SYT12: variants seen among roughly 807,000 people sequenced by gnomAD.
SYT12 encodes the protein synaptotagmin 12.
In SYT12, 27 loss-of-function variants were observed where a neutral mutation model predicts 39.5. The observed-to-expected ratio is 0.68, with a 90% CI of 0.50 to 0.94. The LOEUF (loss-of-function observed/expected upper bound fraction) is 0.94. SYT12 is among the 40% of genes least tolerant of loss of function. SYT12 has a pLI of 0.00. For missense variants in SYT12, 536 were observed against 572.6 expected (o/e 0.94, Z 0.65); for synonymous variants, 233 against 239.7 (o/e 0.97, Z 0.26).
intron 2 of SYT12, 47 bp downstream of exon 2, chr11:67,030,225 T>G (rs1453413835): frequency 6.2e-7 from 1 of 1,606,040 alleles, no homozygotes; most frequent in South Asian, 1.1e-5. Flanking sequence ...TGCGAGACCC[T>G]TACACCAGGC....
At chr11:67,009,053 C>T (rs1949992548) in intron 1 of SYT12, among the ~76,000 whole-genome samples, 1 of 152,204 alleles carries the variant, frequency 6.6e-6, no homozygotes, top group South Asian at 2.1e-4. Context: ...CTCTGTCGCC[C>T]AGGCTAGAGT....
In SYT12 at chr11:67,039,872, G is replaced by A. The variant is rs374167413; in HGVS notation, c.290G>A (p.Ser97Asn). The A allele has an allele frequency of 6.2e-7, 1 of 1,613,564 alleles. No individual in the cohort carries two copies. The highest frequency in any genetic ancestry group is 8.5e-7 in the Non-Finnish European group (1 of 1,180,034). ...CGGGGACCACCCAGCCGCAAAGGCA[G>A]TCTCAGCATTGAGGACACCTTTGAG... ...STRGPPSRKG[S>N]LSIEDTFESI... is the part of the protein sequence containing the mutation. The change falls in exon 4 of 8, where the codon AGT (serine) becomes AAT (asparagine). Residue 97 changes from serine (S) to asparagine (N), a missense_variant. Coordinates refer to ENST00000527043, the MANE Select transcript of SYT12 (RefSeq NM_177963.4).
chr11:67,014,063 T>G (rs1021666246), intron 3 of SYT12, among the ~76,000 whole-genome samples: 2 of 152,222 alleles, frequency 1.3e-5, no homozygotes, highest in African/African-American at 4.8e-5. Context: ...TGTCCCTGTT[T>G]TCTTTCTTAT....
intron 3 of SYT12, among the ~76,000 whole-genome samples, chr11:67,017,427 T>A (rs951746744): frequency 6.6e-6 from 1 of 151,356 alleles, no homozygotes; most frequent in Non-Finnish European, 1.5e-5. Context: ...TAGTGCGAAC[T>A]AGGCTCACTG....
At chr11:67,015,887 C>T (rs1950054493) in intron 3 of SYT12, among the ~76,000 whole-genome samples, 1 of 152,130 alleles carries the variant, frequency 6.6e-6, no homozygotes, top group African/African-American at 2.4e-5. Context: ...TCTCAGGAGG[C>T]TGGGAGCAGG....
At chr11:67,025,433 G>A (rs1950167941) in intron 1 of SYT12, among the ~76,000 whole-genome samples, 1 of 152,148 alleles carries the variant, frequency 6.6e-6, no homozygotes, top group Non-Finnish European at 1.5e-5. Flanking sequence ...GTAGGGATGT[G>A]CAGTCTGGGA....
chr11:67,041,403 G>A (rs987981626), intron 4 of SYT12, among the ~76,000 whole-genome samples: 3 of 149,406 alleles, frequency 2.0e-5, no homozygotes, highest in African/African-American at 7.4e-5. Flanking sequence ...CTCAGGAGGC[G>A]GAGGTTGCAA....
intron 3 of SYT12, among the ~76,000 whole-genome samples, chr11:67,016,317 G>A (rs1410975316): frequency 6.6e-6 from 1 of 152,042 alleles, no homozygotes; most frequent in African/African-American, 2.4e-5. Flanking sequence ...AAGATGTTGC[G>A]GGAGGGAAGT....
At chr11:67,022,776 T>A (rs1950126186), upstream of SYT12, 1 of 152,148 alleles carries the variant, frequency 6.6e-6, no homozygotes, top group Admixed American at 6.6e-5. Flanking sequence ...TGAGATGATG[T>A]TGTAAGGCAC....
chr11:67,043,807 C>CTTCAGT lies in SYT12; in HGVS notation c.791_792insTTCAGT (p.Pro264_Leu265insSerVal). The CTTCAGT allele has an allele frequency of 6.2e-7, 1 of 1,614,134 alleles. No homozygotes were observed. The highest frequency in any genetic ancestry group is 1.1e-5 in the South Asian group (1 of 91,080). ...CTGAAGCTTTCTGTGCTTGACCTCC[C>CTTCAGT]GCTGCAGCCCTTCAGTGGCTGGCTC... On this transcript the variant is annotated inframe_insertion, in exon 5 of 8. Coordinates refer to ENST00000527043, the MANE Select transcript of SYT12 (RefSeq NM_177963.4).
chr11:67,027,811 C>T (rs1348308170), intron 1 of SYT12: 1 of 152,266 alleles, frequency 6.6e-6, no homozygotes, highest in Non-Finnish European at 1.5e-5. Context: ...CTTGGCCCCA[C>T]TCTTGCAAAG....
chr11:67,042,811 A>G (rs1019269228), intron 4 of SYT12, among the ~76,000 whole-genome samples: 1 of 152,046 alleles, frequency 6.6e-6, no homozygotes, highest in Non-Finnish European at 1.5e-5. Context: ...AGGGAACGTG[A>G]GCACTGTGCG....
chr11:67,050,164 A>G lies in SYT12; in HGVS notation c.*1407A>G, dbSNP rs1421359460. 3 of 151,678 alleles carry G rather than the reference A, an allele frequency of 2.0e-5. No homozygotes were observed. The highest frequency in any genetic ancestry group is 7.3e-5 in the African/African-American group (3 of 41,156). The allele number at this position is 151,678 out of a possible 1,614,324, so 9.4% of individuals were successfully genotyped here. A position where few individuals can be genotyped will look rare whatever the true frequency, so the allele number is the denominator to read the frequency against. On this transcript the variant is annotated 3_prime_UTR_variant, in exon 8 of 8. Coordinates refer to ENST00000527043, the MANE Select transcript of SYT12 (RefSeq NM_177963.4). ...AGAGGGGCTGGGCTGTTGCACCTCT[A>G]CTGGCATCAGTCTTTGGTTACCCCC...
intron 3 of SYT12, among the ~76,000 whole-genome samples, chr11:67,011,216 A>G (rs1369499076): frequency 2.6e-5 from 4 of 152,002 alleles, no homozygotes; most frequent in Non-Finnish European, 4.4e-5. Context: ...TGAAATAATA[A>G]AGTGTATGTA....
chr11:67,007,315 C>T (rs1035907078), exon 1 of SYT12: 6 of 152,262 alleles, frequency 3.9e-5, no homozygotes, highest in Non-Finnish European at 5.9e-5. Context: ...GCGTCGGGCT[C>T]GTGGGCGAAG....
upstream of SYT12, among the ~76,000 whole-genome samples, chr11:67,022,541 C>G: frequency 6.6e-6 from 1 of 152,278 alleles, no homozygotes; most frequent in East Asian, 1.9e-4. Context: ...GCACTGTGCC[C>G]AGCCCCTGCG....
Position 67,007,270 on chromosome 11 carries a change from A to G in SYT12, c.-670A>G, listed in dbSNP as rs117179094. The G allele has an allele frequency of 2.4e-4, 37 of 152,360 alleles. 2 individuals carry two copies. The East Asian group carries it at 7.0e-3, about 29-fold the overall frequency. 9.4% of individuals were successfully genotyped at this position (152,360 alleles called of 1,614,324 possible). On this transcript the variant is annotated 5_prime_UTR_variant, in exon 1 of 11. Transcript: ENST00000393946. ...GGAAGCCCAGAAGACACTCATCCCT[A>G]AGGGGAGCCTGAGACTGAGGAACTC...
At chr11:67,039,547 G>A (rs1950457310) in intron 3 of SYT12, among the ~76,000 whole-genome samples, 1 of 152,194 alleles carries the variant, frequency 6.6e-6, no homozygotes, top group African/African-American at 2.4e-5. Context: ...CCTGGATGCA[G>A]AGGTTGCAGT....
In SYT12 at chr11:67,045,855, C is replaced by T. The variant is rs748388854; in HGVS notation, c.1070C>T (p.Ser357Leu). The T allele has an allele frequency of 3.6e-5, 58 of 1,613,590 alleles. No individual in the cohort carries two copies. The highest frequency in any genetic ancestry group is 1.7e-4 in the Middle Eastern group (1 of 6,058). Residue 357 changes from serine (S) to leucine (L), a missense_variant, in exon 7 of 8, where the codon TCG becomes TTG. Ser to Leu is a moderately radical substitution (Grantham distance 145). Coordinates refer to ENST00000527043, the MANE Select transcript of SYT12 (RefSeq NM_177963.4). Reference sequence around the variant, plus strand: ...GTGTTCAACGAAGCCATGATCTTCTCGGTGCCAGCCATTGTGCTCCAGGTG... The same window carrying T: ...GTGTTCAACGAAGCCATGATCTTCTTGGTGCCAGCCATTGTGCTCCAGGTG... ...NPVFNEAMIFSVPAIVLQDLS... is the reference protein window; with the variant it reads ...NPVFNEAMIFLVPAIVLQDLS...
Sources: allele counts gnomAD v4.1 joint callset (sites outside exome capture counted in the v4.1 genomes callset), GRCh38; gene constraint gnomAD v4.1.1; transcripts MANE v1.5; gene names NCBI Gene and HGNC (gene_info 2026-07-23, HGNC 2026-07-21).